CCDC141: variants seen among roughly 807,000 people sequenced by gnomAD.
CCDC141 encodes coiled-coil domain containing 141, also known as coiled-coil domain-containing protein 141.
Under a neutral mutation model 181.0 loss-of-function variants are expected in CCDC141, and 168 were observed. That is an observed-to-expected ratio of 0.93 (90% CI 0.82 to 1.05). The LOEUF is 1.05. Ranked by LOEUF, CCDC141 falls within the 50% of genes least tolerant of loss-of-function variation. CCDC141 has a pLI of 0.00. For synonymous variants in CCDC141, 666 were observed against 642.3 expected (o/e 1.04, Z -0.56); for missense variants, 1,902 against 1,788.5 (o/e 1.06, Z -1.14).
Position 178,871,447 on chromosome 2 carries a change from C to G in CCDC141, c.2185G>C (p.Asp729His). Reference protein sequence around the residue: ...FILDLRQKWNDMKPQFQQLND... With the variant: ...FILDLRQKWNHMKPQFQQLND... ...TTCACCTGGAACTGAGGCTTCATGT[C>G]ATTCCATTTTTGTCGTAGATCTAAA... The change falls in exon 14 of 24, where the codon GAC becomes CAC. Residue 729 changes from aspartate (D) to histidine (H), a missense_variant. Physicochemically the swap from Asp to His is moderately conservative, Grantham distance 81. Transcript: ENST00000443758. The G allele has an allele frequency of 6.2e-7, 1 of 1,613,746 alleles. No individual in the cohort carries two copies. Among genetic ancestry groups the G allele is most frequent in the Non-Finnish European group, 8.5e-7 (1 of 1,179,822 alleles).
intron 2 of CCDC141, among the ~76,000 whole-genome samples, chr2:179,000,180 G>A (rs548039281): frequency 1.3e-5 from 2 of 151,912 alleles, no homozygotes; most frequent in East Asian, 3.9e-4. Context: ...TTTTTGTATG[G>A]CCTGTAAGGT....
chr2:179,043,413 A>G (rs2043379178), intron 2 of CCDC141, among the ~76,000 whole-genome samples: 1 of 152,186 alleles, frequency 6.6e-6, no homozygotes, highest in African/African-American at 2.4e-5. Flanking sequence ...AGGAAACTCC[A>G]GGCCTTGATG....
At chr2:178,902,272 C>A (rs1400272663) in intron 8 of CCDC141, among the ~76,000 whole-genome samples, 2 of 151,882 alleles carry the variant, frequency 1.3e-5, no homozygotes, top group Non-Finnish European at 2.9e-5. Context: ...GTTCATATGG[C>A]AACAAAAAAG....
intron 5 of CCDC141, among the ~76,000 whole-genome samples, chr2:178,946,343 T>C (rs2154377458): frequency 6.6e-6 from 1 of 152,324 alleles, no homozygotes; most frequent in South Asian, 2.1e-4. Flanking sequence ...TTATTTTATT[T>C]TGTAAAACAA....
intron 8 of CCDC141, among the ~76,000 whole-genome samples, chr2:178,902,127 C>T (rs1483367886): frequency 5.9e-5 from 9 of 152,162 alleles, no homozygotes; most frequent in East Asian, 1.9e-4. Context: ...AATGGAAGAA[C>T]ATTCCATGCT....
intron 16 of CCDC141, among the ~76,000 whole-genome samples, chr2:178,867,728 C>T (rs994236176): frequency 2.6e-5 from 4 of 151,956 alleles, no homozygotes; most frequent in African/African-American, 9.7e-5. Context: ...GCATTAGGCA[C>T]ACATCAAAGG....
intron 6 of CCDC141, among the ~76,000 whole-genome samples, chr2:178,920,010 G>C (rs968170022): frequency 6.6e-6 from 1 of 152,204 alleles, no homozygotes; most frequent in Non-Finnish European, 1.5e-5. Flanking sequence ...ATGAGTTGGA[G>C]TAAACCAAAC....
At chr2:178,840,067 A>T (rs1363509076) in intron 22 of CCDC141, among the ~76,000 whole-genome samples, 3 of 152,196 alleles carry the variant, frequency 2.0e-5, no homozygotes, top group Non-Finnish European at 1.5e-5. Context: ...AGTTTCCACC[A>T]ATGGATCTGA....
At chr2:178,945,197 A>C (rs1689679422) in intron 5 of CCDC141, among the ~76,000 whole-genome samples, 1 of 152,322 alleles carries the variant, frequency 6.6e-6, no homozygotes, top group South Asian at 2.1e-4. Context: ...TACAGTGCTG[A>C]AACTACAAAT....
At chr2:178,818,800 G>T in the CCDC141 span, among the ~76,000 whole-genome samples, 2 of 152,134 alleles carry the variant, frequency 1.3e-5, no homozygotes, top group South Asian at 4.1e-4. Context: ...ACCCAGTAAT[G>T]GGATTGCTGG....
At chr2:179,009,913 G>C (rs967392785) in intron 2 of CCDC141, among the ~76,000 whole-genome samples, 1 of 152,010 alleles carries the variant, frequency 6.6e-6, no homozygotes, top group Admixed American at 6.6e-5. Flanking sequence ...TACAAGAAGT[G>C]AAGGGAGAAA....
Position 178,831,749 on chromosome 2 carries a change from G to A in CCDC141, c.*2424C>T, listed in dbSNP as rs1398194027. The A allele has an allele frequency of 1.3e-5, 2 of 152,186 alleles. No homozygotes were observed. The highest frequency in any genetic ancestry group is 2.9e-5 in the Non-Finnish European group (2 of 68,038). 9.4% of individuals were successfully genotyped at this position (152,186 alleles called of 1,614,324 possible). A position where few individuals can be genotyped will look rare whatever the true frequency, so the allele number is the denominator to read the frequency against. The stretch of plus-strand genomic sequence containing the variant: ...GCGTAATTATTCTTTACTGCTGTGG[G>A]AGTCAATCAATAGCCCAGATGAATA... On this transcript the variant is annotated 3_prime_UTR_variant, in exon 24 of 24. Transcript: ENST00000443758.
At chr2:178,891,675 T>C (rs1687158037) in intron 8 of CCDC141, among the ~76,000 whole-genome samples, 1 of 152,112 alleles carries the variant, frequency 6.6e-6, no homozygotes, top group Non-Finnish European at 1.5e-5. Context: ...GCACAAAAAA[T>C]AGGTAAACAA....
At chr2:178,852,057 G>C (rs973845712) in intron 20 of CCDC141, among the ~76,000 whole-genome samples, 5 of 152,130 alleles carry the variant, frequency 3.3e-5, no homozygotes, top group Admixed American at 2.6e-4. Context: ...TTGTTAAGCA[G>C]TTGGTATGTG....
chr2:178,960,021 G>A (rs981966163), intron 5 of CCDC141, among the ~76,000 whole-genome samples: 7 of 152,168 alleles, frequency 4.6e-5, no homozygotes, highest in African/African-American at 1.7e-4. Flanking sequence ...GCAATGTCTA[G>A]AGACAGTTTT....
intron 7 of CCDC141, 96 bp downstream of exon 7, chr2:178,918,617 T>TTTTG: frequency 2.0e-6 from 2 of 986,850 alleles, no homozygotes; most frequent in South Asian, 4.1e-5. Flanking sequence ...TTACATGGCG[T>TTTTG]TTTGACTTCT....
chr2:178,824,478 C>G, the CCDC141 span, among the ~76,000 whole-genome samples: 1 of 151,924 alleles, frequency 6.6e-6, no homozygotes, highest in Non-Finnish European at 1.5e-5. Flanking sequence ...CAAAAATTAG[C>G]CAGCATGGTG....
intron 2 of CCDC141, among the ~76,000 whole-genome samples, chr2:178,992,358 TA>T (rs35961993): frequency 1.3e-4 from 18 of 134,842 alleles, no homozygotes; most frequent in Admixed American, 4.7e-4. Context: ...TTTTTTTTTT[TA>T]AATAGACCTA....
At chr2:178,931,994 C>T (rs114412892) in intron 6 of CCDC141, among the ~76,000 whole-genome samples, 10 of 151,754 alleles carry the variant, frequency 6.6e-5, no homozygotes, top group African/African-American at 1.7e-4. Context: ...GATGAAACCC[C>T]GTCTCTACTA....
Sources: gnomAD v4.1 joint callset for allele counts (sites outside exome capture counted in the v4.1 genomes callset) on GRCh38, gnomAD v4.1.1 for gene constraint, MANE v1.5 for transcripts, NCBI Gene and HGNC (gene_info 2026-07-23, HGNC 2026-07-21) for gene names.